ABCA12: variants seen among roughly 807,000 people sequenced by gnomAD.
ABCA12 encodes glucosylceramide transporter ABCA12.
In ABCA12, 156 loss-of-function variants were observed where a neutral mutation model predicts 293.5. The observed-to-expected ratio is 0.53, with a 90% confidence interval of 0.47 to 0.61. The LOEUF is 0.61. Among genes scored for constraint, ABCA12 ranks in the 20% least tolerant of loss-of-function variants. The pLI is 0.00. For synonymous variants in ABCA12, 1,063 were observed against 1,108.0 expected, an observed-to-expected ratio of 0.96 and a Z score of 0.81; for missense variants, 2,797 against 3,090.2, an observed-to-expected ratio of 0.91 and a Z score of 2.25.
chr2:215,132,126 G>T (rs1205847097), intron 1 of ABCA12, among the ~76,000 whole-genome samples: 1 of 151,780 alleles, frequency 6.6e-6, no homozygotes, highest in Non-Finnish European at 1.5e-5. Flanking sequence ...CAATTTTTTT[G>T]AATTTATTGA....
chr2:215,083,473 T>C (rs914084093), intron 2 of ABCA12, among the ~76,000 whole-genome samples: 1 of 152,162 alleles, frequency 6.6e-6, no homozygotes, highest in East Asian at 1.9e-4. Context: ...CCGATGGTTT[T>C]AGAGCATTGA....
intron 1 of ABCA12, among the ~76,000 whole-genome samples, chr2:215,136,186 C>G (rs967754006): frequency 2.6e-5 from 4 of 152,164 alleles, no homozygotes; most frequent in Admixed American, 2.6e-4. Context: ...TTCTCCCTCC[C>G]TAGGAAAAGT....
chr2:214,932,789 G>GA, intron 52 of ABCA12, 48 bp from the exon 53 acceptor site: 1 of 1,373,568 alleles, frequency 7.3e-7, no homozygotes, highest in Non-Finnish European at 1.0e-6. Flanking sequence ...TAAGCCAAAG[G>GA]AAAAAATAAA....
Position 215,012,017 on chromosome 2 carries a change from C to A in ABCA12, c.2075G>T (p.Arg692Ile). 2 of 1,613,944 alleles carry A rather than the reference C, an allele frequency of 1.2e-6. No homozygotes were observed. Among genetic ancestry groups the A allele is most frequent in the Non-Finnish European group, 1.7e-6 (2 of 1,179,950 alleles). ...SGTHPLLDKM[R>I]SLKQMHLPRS... ...GGGCAGATGCATTTGCTTCAGGGATCTCATTTTGTCTAGCAGCGGATGTGT... is the reference window on the plus strand; with the variant it reads ...GGGCAGATGCATTTGCTTCAGGGATATCATTTTGTCTAGCAGCGGATGTGT... Residue 692 changes from arginine to isoleucine, a missense_variant, in exon 16 of 53, where the codon AGA becomes ATA. This residue lies in a region of ABCA12 where 2,130 missense variants were observed against 2,427.0 expected (regional missense o/e 0.88). Transcript: ENST00000272895.
intron 2 of ABCA12, among the ~76,000 whole-genome samples, chr2:215,106,229 G>A (rs567709069): frequency 7.0e-4 from 107 of 152,104 alleles, no homozygotes; most frequent in African/African-American, 1.9e-3. Context: ...CAATTCGGGC[G>A]CTGGAGTCAT....
chr2:215,084,252 G>T (rs1701997887), intron 2 of ABCA12, among the ~76,000 whole-genome samples: 1 of 152,094 alleles, frequency 6.6e-6, no homozygotes, highest in Admixed American at 6.6e-5. Flanking sequence ...CTCCTAAAGT[G>T]CTGGGATTAC....
chr2:215,045,759 G>A (rs1049267137), intron 7 of ABCA12, 78 bp downstream of exon 7: 5 of 1,307,184 alleles, frequency 3.8e-6, no homozygotes, highest in Admixed American at 1.9e-5. Flanking sequence ...CCAGATAACA[G>A]TAATCATCAC....
chr2:215,034,301 C>T (rs1700944247), intron 8 of ABCA12, among the ~76,000 whole-genome samples: 1 of 152,148 alleles, frequency 6.6e-6, no homozygotes, highest in South Asian at 2.1e-4. Context: ...ATTAGCAGCT[C>T]TCTATTTTCA....
At chr2:215,098,592 G>A (rs73074483) in intron 2 of ABCA12, among the ~76,000 whole-genome samples, 1,563 of 152,258 alleles carry the variant, frequency 0.01, 30 homozygotes, top group African/African-American at 0.036. Flanking sequence ...TATTTGTTGG[G>A]TGACTAAGTG....
intron 22 of ABCA12, among the ~76,000 whole-genome samples, chr2:214,998,963 A>T (rs908883215): frequency 6.6e-6 from 1 of 152,214 alleles, no homozygotes. Context: ...AGACTAAAAA[A>T]TTACCTCCAA....
chr2:215,094,915 C>T (rs926770045), intron 2 of ABCA12, among the ~76,000 whole-genome samples: 2 of 152,074 alleles, frequency 1.3e-5, no homozygotes, highest in Non-Finnish European at 2.9e-5. Flanking sequence ...TCCAGTTTTG[C>T]CTTACATAGT....
At chr2:214,991,530 C>T (rs1396912626) in intron 23 of ABCA12, among the ~76,000 whole-genome samples, 1 of 151,968 alleles carries the variant, frequency 6.6e-6, no homozygotes, top group East Asian at 1.9e-4. Flanking sequence ...TATTGATGTT[C>T]CTGAGAGAAA....
At chr2:215,027,202 C>T (rs185588684) in intron 9 of ABCA12, among the ~76,000 whole-genome samples, 2 of 151,936 alleles carry the variant, frequency 1.3e-5, no homozygotes, top group Admixed American at 6.6e-5. Context: ...AAAAATTAGC[C>T]GGGCGTGGTG....
chr2:215,022,069 A>C (rs1700641588), intron 11 of ABCA12: 1 of 152,166 alleles, frequency 6.6e-6, no homozygotes, highest in Non-Finnish European at 1.5e-5. Context: ...TGAAGCCTCT[A>C]TATTACATTC....
At chr2:214,998,126 G>A (rs1450327627) in intron 22 of ABCA12, among the ~76,000 whole-genome samples, 1 of 152,016 alleles carries the variant, frequency 6.6e-6, no homozygotes, top group Non-Finnish European at 1.5e-5. Context: ...TAATTGCAAG[G>A]CTCAAAACCT....
At chr2:215,095,710 G>T (rs954070977) in intron 2 of ABCA12, among the ~76,000 whole-genome samples, 2 of 152,042 alleles carry the variant, frequency 1.3e-5, no homozygotes, top group Admixed American at 6.6e-5. Context: ...CATCCAGATG[G>T]CCTGAGGCAA....
chr2:215,136,826 G>A (rs1703238675), intron 1 of ABCA12, among the ~76,000 whole-genome samples: 1 of 152,082 alleles, frequency 6.6e-6, no homozygotes, highest in Admixed American at 6.5e-5. Context: ...AACTAATCAT[G>A]TCACGTCTAA....
At chr2:214,965,421 G>A (rs1559118711) in intron 39 of ABCA12, among the ~76,000 whole-genome samples, 1 of 152,132 alleles carries the variant, frequency 6.6e-6, no homozygotes, top group Non-Finnish European at 1.5e-5. Flanking sequence ...CATAGAGAAG[G>A]AAACTTTCAT....
At chr2:215,126,300 C>A (rs1480396768) in intron 1 of ABCA12, among the ~76,000 whole-genome samples, 1 of 152,070 alleles carries the variant, frequency 6.6e-6, no homozygotes, top group Non-Finnish European at 1.5e-5. Context: ...TAAGATGATG[C>A]TGACTTCATA....
Sources: allele counts gnomAD v4.1 joint callset (sites outside exome capture counted in the v4.1 genomes callset), GRCh38; gene constraint gnomAD v4.1.1; regional missense constraint gnomAD v4.1.1; transcripts MANE v1.5; gene names NCBI Gene and HGNC (gene_info 2026-07-23, HGNC 2026-07-21).